Variants in NRXN1 observed in about 807,000 individuals in gnomAD.
NRXN1 encodes neurexin-1.
Under a neutral mutation model 150.9 loss-of-function variants are expected in NRXN1, and 39 were observed. The observed-to-expected ratio is 0.26, with a 90% CI of 0.20 to 0.34. The LOEUF (loss-of-function observed/expected upper bound fraction) is 0.34, where lower values mean the gene tolerates loss of function less well. Ranked by LOEUF, NRXN1 falls within the 10% of genes least tolerant of loss-of-function variation. The pLI is 1.00. For missense variants in NRXN1, 1,815 were observed against 1,949.9 expected, an observed-to-expected ratio of 0.93 and a Z score of 1.30; for synonymous variants, 924 against 757.0, an observed-to-expected ratio of 1.22 and a Z score of -3.62.
intron 2 of NRXN1, among the ~76,000 whole-genome samples, chr2:50,971,033 C>T (rs924639873): frequency 6.6e-6 from 1 of 151,952 alleles, no homozygotes; most frequent in Non-Finnish European, 1.5e-5. Flanking sequence ...AATTGTTGCC[C>T]TAATCAAGAT....
intron 17 of NRXN1, among the ~76,000 whole-genome samples, chr2:50,345,998 T>C (rs1335211490): frequency 6.6e-6 from 1 of 152,180 alleles, no homozygotes; most frequent in Non-Finnish European, 1.5e-5. Context: ...AAGACATATA[T>C]TTATGTGCAG....
chr2:50,593,237 A>C (rs919509793), intron 8 of NRXN1, among the ~76,000 whole-genome samples: 2 of 152,222 alleles, frequency 1.3e-5, no homozygotes, highest in East Asian at 3.9e-4. Flanking sequence ...ATGTAAATGC[A>C]CAAGAATATG....
At chr2:50,011,000 C>A (rs1685570422) in intron 21 of NRXN1, among the ~76,000 whole-genome samples, 1 of 152,142 alleles carries the variant, frequency 6.6e-6, no homozygotes, top group South Asian at 2.1e-4. Flanking sequence ...CAACTACCAA[C>A]TATTTGTTTT....
chr2:50,214,892 T>C (rs947637990), intron 18 of NRXN1, among the ~76,000 whole-genome samples: 1 of 151,990 alleles, frequency 6.6e-6, no homozygotes, highest in Non-Finnish European at 1.5e-5. Context: ...GAAAGTATTA[T>C]TATCTCGACT....
In NRXN1 at chr2:50,612,074, G is replaced by A. The variant is rs564707370; in HGVS notation, c.1320+7948C>T. Among the ~76,000 whole-genome samples, 4 of 152,282 alleles carry A rather than the reference G, an allele frequency of 2.6e-5. No homozygotes were observed. In the East Asian group the frequency reaches 7.7e-4, roughly 29 times the overall value. ...GTGAGATTGTAATATGATACGGGGA[G>A]CAACACAGAGTGGCAGTTACGGGCA... On this transcript the variant is annotated intron_variant, in intron 8 of 22. Transcript: ENST00000401669.
At chr2:50,162,111 G>C (rs561416690) in intron 18 of NRXN1, among the ~76,000 whole-genome samples, 17 of 152,142 alleles carry the variant, frequency 1.1e-4, no homozygotes, top group African/African-American at 4.1e-4. Flanking sequence ...GCAGCAAATT[G>C]GTTAACTTAA....
intron 17 of NRXN1, among the ~76,000 whole-genome samples, chr2:50,455,068 A>G (rs1038917371): frequency 1.3e-5 from 2 of 152,194 alleles, no homozygotes; most frequent in Non-Finnish European, 2.9e-5. Flanking sequence ...GTGTGTCTCT[A>G]TACTTCTCTG....
At chr2:50,914,066 C>T (rs536212922) in intron 5 of NRXN1, among the ~76,000 whole-genome samples, 1 of 151,790 alleles carries the variant, frequency 6.6e-6, no homozygotes, top group African/African-American at 2.4e-5. Flanking sequence ...CAAAATATGG[C>T]CTCAGGCACT....
chr2:50,190,963 C>T (rs1459025772), intron 18 of NRXN1, among the ~76,000 whole-genome samples: 4 of 152,010 alleles, frequency 2.6e-5, no homozygotes, highest in Admixed American at 2.6e-4. Context: ...ATTTACAAAC[C>T]TTTTATTTTG....
At chr2:50,858,448 A>G (rs1675592008) in intron 5 of NRXN1, among the ~76,000 whole-genome samples, 1 of 152,052 alleles carries the variant, frequency 6.6e-6, no homozygotes, top group South Asian at 2.1e-4. Flanking sequence ...TGGGGTTTTC[A>G]TTTAAGTTGA....
At chr2:50,750,643 G>A (rs758005565) in intron 5 of NRXN1, among the ~76,000 whole-genome samples, 2 of 151,870 alleles carry the variant, frequency 1.3e-5, no homozygotes, top group South Asian at 2.1e-4. Context: ...GCTCAGCAGC[G>A]TTGGAGTTCC....
chr2:50,799,236 C>T (rs1361308021), intron 5 of NRXN1, among the ~76,000 whole-genome samples: 1 of 152,156 alleles, frequency 6.6e-6, no homozygotes, highest in Non-Finnish European at 1.5e-5. Flanking sequence ...TACTTTGTTC[C>T]ATGAAGACAT....
At chr2:50,161,547 G>A (rs1334120191) in intron 18 of NRXN1, among the ~76,000 whole-genome samples, 1 of 152,110 alleles carries the variant, frequency 6.6e-6, no homozygotes, top group African/African-American at 2.4e-5. Flanking sequence ...AAGCAGACTG[G>A]GAGAATTTTG....
In NRXN1 at chr2:50,346,904, C is replaced by G. The variant is rs2078034861; in HGVS notation, c.3365-109934G>C. The G allele has an allele frequency of 4.7e-6, 6 of 1,283,924 alleles. No individual in the cohort carries two copies. The highest frequency in any genetic ancestry group is 2.9e-4 in the Middle Eastern group (1 of 3,476). The allele number at this position is 1,283,924 out of a possible 1,614,324, so 79.5% of individuals were successfully genotyped here. On this transcript the variant is annotated intron_variant, in intron 17 of 22. Coordinates refer to ENST00000401669, the MANE Select transcript of NRXN1 (RefSeq NM_001330078.2). This position sits in a 1 kb window ranked among gnomAD's most constrained non-coding sequence, Gnocchi z 5.0. ...CCGCCGCCGCCGCCGCCGCCGCCCC[C>G]GGGCGAGCCCAGCTCGGCGCCGCAC...
At chr2:50,458,982 C>A (rs2087882197) in intron 17 of NRXN1, among the ~76,000 whole-genome samples, 1 of 152,054 alleles carries the variant, frequency 6.6e-6, no homozygotes, top group Non-Finnish European at 1.5e-5. Context: ...ATTTAAATGG[C>A]ATGCATATAA....
At chr2:50,258,454 A>G (rs993188274) in intron 17 of NRXN1, among the ~76,000 whole-genome samples, 5 of 152,034 alleles carry the variant, frequency 3.3e-5, no homozygotes, top group African/African-American at 1.2e-4. Flanking sequence ...GATTGCAGCA[A>G]TTCAGTCACA....
At chr2:50,558,669 C>A (rs1668596670) in intron 8 of NRXN1, among the ~76,000 whole-genome samples, 1 of 152,150 alleles carries the variant, frequency 6.6e-6, no homozygotes, top group Admixed American at 6.5e-5. Context: ...TCTTAAAAAT[C>A]TGTGCGGTTT....
intron 21 of NRXN1, among the ~76,000 whole-genome samples, chr2:50,027,263 CCTTCCTTCCTTCCTTCCTCCCTCG>C (rs1240077883): frequency 1.3e-5 from 2 of 151,312 alleles, no homozygotes; most frequent in African/African-American, 4.9e-5. Flanking sequence ...TTCCTTCTTT[CCTTCCTTCCTTCCTTCCTCCCTCG>C]CTCCCTCCCT....
intron 5 of NRXN1, among the ~76,000 whole-genome samples, chr2:50,882,940 A>G (rs1679669311): frequency 6.6e-6 from 1 of 151,902 alleles, no homozygotes; most frequent in South Asian, 2.1e-4. Context: ...ATATATTTTT[A>G]TAACATCAAA....
Sources: gnomAD v4.1 joint callset for allele counts (sites outside exome capture counted in the v4.1 genomes callset) on GRCh38, gnomAD v4.1.1 for gene constraint, Gnocchi (gnomAD v3.1) non-coding constraint, MANE v1.5 for transcripts, NCBI Gene and HGNC (gene_info 2026-07-23, HGNC 2026-07-21) for gene names.